The following DAB1 variants were observed in gnomAD, a reference collection of about 807,000 sequenced individuals.
DAB1 encodes DAB adaptor protein 1.
In DAB1, 15 loss-of-function variants were observed where a neutral mutation model predicts 64.6. That is an observed-to-expected ratio of 0.23 (90% CI 0.16 to 0.36). DAB1 has a LOEUF of 0.36. Among genes scored for constraint, DAB1 ranks in the 10% least tolerant of loss-of-function variants. The pLI is 1.00. For missense variants in DAB1, 596 were observed against 706.7 expected (o/e 0.84, Z 1.78); for synonymous variants, 235 against 251.9 (o/e 0.93, Z 0.64).
chr1:58,160,428 A>T (rs1211556466), intron 4 of DAB1, among the ~76,000 whole-genome samples: 2 of 152,168 alleles, frequency 1.3e-5, no homozygotes, highest in African/African-American at 4.8e-5. Context: ...AATGCCACTC[A>T]AGAAAAGCAA....
intron 4 of DAB1, among the ~76,000 whole-genome samples, chr1:57,077,389 C>T (rs141247619): frequency 6.6e-6 from 1 of 152,000 alleles, no homozygotes; most frequent in East Asian, 1.9e-4. Flanking sequence ...TTCAGGAAGG[C>T]AGGCAGGGAG....
intron 4 of DAB1, among the ~76,000 whole-genome samples, chr1:58,257,916 A>G (rs942230917): frequency 6.6e-6 from 1 of 152,142 alleles, no homozygotes; most frequent in Non-Finnish European, 1.5e-5. Flanking sequence ...CTTACACTTG[A>G]TCTTGATCTT....
chr1:57,894,484 G>A (rs143502713), intron 5 of DAB1, among the ~76,000 whole-genome samples: 3 of 152,276 alleles, frequency 2.0e-5, no homozygotes, highest in African/African-American at 7.2e-5. Flanking sequence ...GAATCGCCAG[G>A]AGAGAATATT....
chr1:57,701,678 A>G (rs1260440468), intron 6 of DAB1, among the ~76,000 whole-genome samples: 2 of 152,030 alleles, frequency 1.3e-5, no homozygotes, highest in Non-Finnish European at 2.9e-5. Flanking sequence ...ATGTACCCTA[A>G]AACTTAAAGT....
chr1:57,822,983 A>ATTTTT (rs71246208), downstream of DAB1, among the ~76,000 whole-genome samples: 1 of 131,282 alleles, frequency 7.6e-6, no homozygotes, highest in Non-Finnish European at 1.6e-5. Context: ...TAATTTAGGA[A>ATTTTT]TTTTTTTTTT....
chr1:57,631,062 C>T (rs957599911), intron 7 of DAB1, among the ~76,000 whole-genome samples: 3 of 152,062 alleles, frequency 2.0e-5, no homozygotes, highest in African/African-American at 7.2e-5. Context: ...TCAGAGCCAC[C>T]AACTACACAT....
intron 5 of DAB1, among the ~76,000 whole-genome samples, chr1:57,896,942 A>C (rs1378645826): frequency 6.6e-6 from 1 of 152,214 alleles, no homozygotes; most frequent in East Asian, 1.9e-4. Context: ...CAACACTCTC[A>C]TTATTATAGC....
At position 57,555,025 on chromosome 1, in the gene DAB1, ATTTTTTTTTT is replaced by A. The variant is rs34370854; in HGVS notation, n.625+94557_625+94566del. On this transcript the variant is annotated intron_variant and non_coding_transcript_variant, in intron 7 of 20. Coordinates refer to the DAB1 transcript ENST00000485760. ...AGAGCTCTCAATCTTCGGTATCTCT[ATTTTTTTTTT>A]TTTTTTTTTTTTTTTTTTGAGACGG... Among the ~76,000 whole-genome samples, 13 of 68,498 alleles carry A rather than the reference ATTTTTTTTTT, an allele frequency of 1.9e-4. No individual in the cohort carries two copies. In the East Asian group the frequency reaches 2.1e-3, roughly 11 times the overall value. The allele number at this position is 68,498 out of a possible 152,430, so 44.9% of individuals were successfully genotyped here.
intron 9 of DAB1, among the ~76,000 whole-genome samples, chr1:57,051,765 G>A (rs1454185071): frequency 6.6e-6 from 1 of 152,150 alleles, no homozygotes; most frequent in African/African-American, 2.4e-5. Context: ...TTAGACATGT[G>A]CATGCCTGCT....
intron 9 of DAB1, among the ~76,000 whole-genome samples, chr1:57,053,048 T>C (rs1469723279): frequency 1.3e-5 from 2 of 152,318 alleles, no homozygotes; most frequent in South Asian, 2.1e-4. Flanking sequence ...CAGAAACTGC[T>C]TTCACACATA....
At chr1:57,014,091 T>C (rs1646347753) in intron 12 of DAB1, among the ~76,000 whole-genome samples, 1 of 152,236 alleles carries the variant, frequency 6.6e-6, no homozygotes, top group Non-Finnish European at 1.5e-5. Context: ...CTTCAAATTC[T>C]GGGAGTTCTA....
chr1:57,781,120 CTCTCTCTATATATATATA>C (rs1262513461), intron 6 of DAB1, among the ~76,000 whole-genome samples: 13 of 48,336 alleles, frequency 2.7e-4, no homozygotes, highest in South Asian at 1.6e-3. Flanking sequence ...CTCTCTCTCT[CTCTCTCTATATATATATA>C]TATATATATA....
chr1:57,850,640 C>T (rs909216461), intron 1 of DAB1, among the ~76,000 whole-genome samples: 5 of 152,110 alleles, frequency 3.3e-5, no homozygotes, highest in Non-Finnish European at 5.9e-5. Context: ...GGAGGGAGCC[C>T]CAAGGCCTGG....
chr1:57,779,401 C>G (rs1649962727), intron 6 of DAB1, among the ~76,000 whole-genome samples: 1 of 152,092 alleles, frequency 6.6e-6, no homozygotes, highest in Non-Finnish European at 1.5e-5. Context: ...TCAGGGACCA[C>G]CAATTCTCAA....
intron 5 of DAB1, among the ~76,000 whole-genome samples, chr1:58,103,612 T>G (rs1651459824): frequency 1.3e-5 from 2 of 152,338 alleles, no homozygotes; most frequent in South Asian, 4.2e-4. Flanking sequence ...CCATTTCCAT[T>G]TTTGATAATG....
intron 6 of DAB1, among the ~76,000 whole-genome samples, chr1:57,699,419 C>T (rs535494293): frequency 3.9e-5 from 6 of 152,298 alleles, no homozygotes; most frequent in South Asian, 2.1e-4. Context: ...CTTACTTTCA[C>T]AGGATGAATA....
At chr1:58,496,782 C>T (rs1645810316) in intron 3 of DAB1, among the ~76,000 whole-genome samples, 1 of 152,176 alleles carries the variant, frequency 6.6e-6, no homozygotes, top group African/African-American at 2.4e-5. Context: ...GTGTCTGCAA[C>T]ATCTTTTATT....
At chr1:58,269,020 T>A (rs11456054) in intron 4 of DAB1, among the ~76,000 whole-genome samples, 18 of 1,232 alleles carry the variant, frequency 0.015, no homozygotes, top group East Asian at 0.024. Context: ...TTATTTATTT[T>A]TTTTTTATTA....
At chr1:57,377,956 T>C (rs151238449) in intron 1 of DAB1, among the ~76,000 whole-genome samples, 30 of 152,256 alleles carry the variant, frequency 2.0e-4, no homozygotes, top group African/African-American at 6.3e-4. Context: ...TGGAGGAAGA[T>C]GGCTAGACTT....
Sources: gnomAD v4.1 joint callset for allele counts (sites outside exome capture counted in the v4.1 genomes callset) on GRCh38, gnomAD v4.1.1 for gene constraint, MANE v1.5 for transcripts, NCBI Gene and HGNC (gene_info 2026-07-23, HGNC 2026-07-21) for gene names.